Variants in PRKAR1B observed in about 807,000 individuals in gnomAD.
PRKAR1B encodes the protein protein kinase cAMP-dependent type I regulatory subunit beta.
A neutral mutation model predicts 46.5 loss-of-function variants in PRKAR1B; 22 were observed. The ratio of observed to expected loss-of-function variants is 0.47; its 90% confidence interval spans 0.34 to 0.68. The LOEUF (loss-of-function observed/expected upper bound fraction) is 0.68. PRKAR1B is among the 30% of genes least tolerant of loss of function. PRKAR1B has a pLI of 0.01. For synonymous variants in PRKAR1B, 259 were observed against 217.7 expected, an observed-to-expected ratio of 1.19 and a Z score of -1.67; for missense variants, 445 against 535.6, an observed-to-expected ratio of 0.83 and a Z score of 1.67.
At chr7:662,866 C>A (rs1156427633) in intron 4 of PRKAR1B, among the ~76,000 whole-genome samples, 1 of 152,170 alleles carries the variant, frequency 6.6e-6, no homozygotes, top group African/African-American at 2.4e-5. Flanking sequence ...GGGGCCCAGG[C>A]TCTCACCCTC....
intron 9 of PRKAR1B, among the ~76,000 whole-genome samples, chr7:553,341 C>T (rs923060399): frequency 1.3e-5 from 2 of 152,364 alleles, no homozygotes; most frequent in Non-Finnish European, 2.9e-5. Context: ...AGACACTCCC[C>T]GAATTCCACT....
chr7:675,429 G>A (rs1786527306), intron 4 of PRKAR1B, among the ~76,000 whole-genome samples: 1 of 152,184 alleles, frequency 6.6e-6, no homozygotes, highest in Non-Finnish European at 1.5e-5. Flanking sequence ...CTTTCTCTTT[G>A]TATTTTATAC....
intron 4 of PRKAR1B, among the ~76,000 whole-genome samples, chr7:628,583 G>A (rs1012642034): frequency 3.9e-5 from 6 of 152,198 alleles, no homozygotes; most frequent in African/African-American, 7.2e-5. Context: ...CCAGTCGCTC[G>A]CTCAGGCCCA....
rs1011692573 is a variant in PRKAR1B at position 602,353 on chromosome 7, G to C, written c.549+3840C>G. Among the ~76,000 whole-genome samples the C allele has an allele frequency of 3.3e-5, 5 of 152,144 alleles. No homozygotes were observed. The highest frequency in any genetic ancestry group is 4.8e-5 in the African/African-American group (2 of 41,442). The stretch of plus-strand genomic sequence containing the variant: ...AGATGCCTCACTGAGTCCAGAGGTC[G>C]AGGGGTGGGTGGGGATTCTGCGAGG... On this transcript the variant is annotated intron_variant, in intron 6 of 10. Transcript: ENST00000537384. This position sits in a 1 kb window ranked among gnomAD's most constrained non-coding sequence, Gnocchi z 6.4.
chr7:725,826 A>G (rs1781244137), intron 1 of PRKAR1B, among the ~76,000 whole-genome samples: 1 of 152,190 alleles, frequency 6.6e-6, no homozygotes, highest in Non-Finnish European at 1.5e-5. Context: ...CAGGCTCTGC[A>G]TTCTGATGCA....
intron 5 of PRKAR1B, 21 bp from the exon 6 acceptor site, chr7:606,260 C>A: frequency 6.2e-7 from 1 of 1,610,894 alleles, no homozygotes; most frequent in South Asian, 1.1e-5. Flanking sequence ...AGAAGAAAGT[C>A]AACAGATACA....
chr7:637,623 C>T (rs1379227851), intron 4 of PRKAR1B, among the ~76,000 whole-genome samples: 2 of 151,958 alleles, frequency 1.3e-5, no homozygotes, highest in African/African-American at 2.4e-5. Flanking sequence ...CACCTGAGGT[C>T]AGGAGATCGA....
intron 7 of PRKAR1B, among the ~76,000 whole-genome samples, chr7:584,820 G>T (rs1039761153): frequency 6.6e-6 from 1 of 152,124 alleles, no homozygotes; most frequent in Non-Finnish European, 1.5e-5. Context: ...GCTGGCAGCA[G>T]AGTTCCCCAC....
At chr7:569,036 G>A (rs1294087371) in intron 9 of PRKAR1B, among the ~76,000 whole-genome samples, 45 of 151,250 alleles carry the variant, frequency 3.0e-4, no homozygotes, top group Non-Finnish European at 2.4e-4. Context: ...GGGGGAGAGG[G>A]TGTTAAACTT....
intron 6 of PRKAR1B, among the ~76,000 whole-genome samples, chr7:605,324 G>A (rs1435659501): frequency 2.0e-5 from 3 of 152,314 alleles, no homozygotes; most frequent in South Asian, 2.1e-4. Flanking sequence ...CATCAGCTCC[G>A]CACCAGCAAG....
intron 4 of PRKAR1B, among the ~76,000 whole-genome samples, chr7:640,043 G>T (rs941260182): frequency 6.6e-6 from 1 of 151,292 alleles, no homozygotes; most frequent in African/African-American, 2.4e-5. Flanking sequence ...TGCGCCTGTA[G>T]TCCCAGCTAC....
At chr7:550,865 CCA>C (rs1784140284) in intron 10 of PRKAR1B, among the ~76,000 whole-genome samples, 1 of 151,856 alleles carries the variant, frequency 6.6e-6, no homozygotes, top group Admixed American at 6.6e-5. Flanking sequence ...GCAGGAATGC[CCA>C]GGTGTGCCCA....
intron 2 of PRKAR1B, chr7:691,847 C>G (rs540193649): frequency 2.2e-5 from 26 of 1,167,770 alleles, no homozygotes; most frequent in Admixed American, 3.8e-5. Context: ...CATCACTCTC[C>G]GGTCACCATG....
At chr7:557,238 G>T (rs1369189925) in intron 9 of PRKAR1B, among the ~76,000 whole-genome samples, 1 of 152,146 alleles carries the variant, frequency 6.6e-6, no homozygotes, top group East Asian at 1.9e-4. Context: ...ACCTGGGTTC[G>T]AATCCCTTCC....
intron 4 of PRKAR1B, among the ~76,000 whole-genome samples, chr7:645,019 G>A (rs767363741): frequency 2.6e-5 from 4 of 152,196 alleles, no homozygotes; most frequent in Non-Finnish European, 5.9e-5. Flanking sequence ...GGACGAGTGA[G>A]GGCAAAGGGC....
chr7:706,778 C>T (rs1020701746), intron 2 of PRKAR1B, among the ~76,000 whole-genome samples: 1 of 152,180 alleles, frequency 6.6e-6, no homozygotes, highest in Admixed American at 6.5e-5. Context: ...AACTCACTCA[C>T]GAAGGCCAGA....
chr7:550,590 A>C lies in PRKAR1B; in HGVS notation c.986T>G (p.Leu329Arg). 6.3e-7 allele frequency: 1 copy of C among 1,583,036 alleles called. No individual in the cohort carries two copies. ...GGCCGCCCGGGGCCGGTTCAGCAGC[A>C]GTGCAATCTCCCCTGGGGGTTGAAG... ...GPSDYFGEIA[L>R]LLNRPRAATV... The change falls in exon 11 of 11, where the codon CTG (leucine) becomes CGG (arginine). Residue 329 changes from leucine to arginine, a missense_variant. By Grantham distance (102) the Leu-to-Arg change is moderately radical. This residue lies in a region of PRKAR1B where 127 missense variants were observed against 138.0 expected (regional missense o/e 0.92). Transcript: ENST00000537384.
intron 2 of PRKAR1B, among the ~76,000 whole-genome samples, chr7:699,421 G>A (rs537118425): frequency 3.3e-5 from 5 of 152,268 alleles, no homozygotes; most frequent in Admixed American, 1.3e-4. Flanking sequence ...AGGAACAGCC[G>A]GGGTAGGAAG....
chr7:586,011 T>C (rs1198330032), intron 7 of PRKAR1B, among the ~76,000 whole-genome samples: 2 of 152,146 alleles, frequency 1.3e-5, no homozygotes, highest in Non-Finnish European at 2.9e-5. Flanking sequence ...CAGTGGCATG[T>C]GCAGTTTCTG....
Sources: gnomAD v4.1 joint callset for allele counts (sites outside exome capture counted in the v4.1 genomes callset) on GRCh38, gnomAD v4.1.1 for gene constraint, gnomAD v4.1.1 regional missense constraint, Gnocchi (gnomAD v3.1) non-coding constraint, MANE v1.5 for transcripts, NCBI Gene and HGNC (gene_info 2026-07-23, HGNC 2026-07-21) for gene names.